LDLRAD3: variants seen among roughly 807,000 people sequenced by gnomAD.
LDLRAD3 encodes low density lipoprotein receptor class A domain containing 3.
LDLRAD3 carries 20 observed loss-of-function variants against 29.4 expected under a neutral mutation model. The ratio of observed to expected loss-of-function variants is 0.68; its 90% confidence interval spans 0.48 to 0.99. The LOEUF is 0.99. Ranked by LOEUF, LDLRAD3 falls within the 50% of genes least tolerant of loss-of-function variation. LDLRAD3 has a pLI of 0.00. For missense variants in LDLRAD3, 420 were observed against 454.3 expected (o/e 0.92, Z 0.69); for synonymous variants, 157 against 192.7 (o/e 0.81, Z 1.53).
intron 4 of LDLRAD3, among the ~76,000 whole-genome samples, chr11:36,192,969 T>C (rs1376301685): frequency 6.6e-6 from 1 of 152,224 alleles, no homozygotes; most frequent in African/African-American, 2.4e-5. Flanking sequence ...TTCACTTCCC[T>C]GATCCTCCAT....
chr11:36,016,015 G>A (rs1026459694), intron 1 of LDLRAD3, among the ~76,000 whole-genome samples: 6 of 152,222 alleles, frequency 3.9e-5, no homozygotes, highest in African/African-American at 1.4e-4. Context: ...GAGCTCACAG[G>A]GAGGGCAAGT....
At chr11:35,971,980 G>C (rs1851418033) in intron 1 of LDLRAD3, among the ~76,000 whole-genome samples, 1 of 152,162 alleles carries the variant, frequency 6.6e-6, no homozygotes, top group Non-Finnish European at 1.5e-5. Context: ...GAACACTGAA[G>C]GAGCTGCCGG....
intron 4 of LDLRAD3, among the ~76,000 whole-genome samples, chr11:36,138,948 C>T (rs1040483723): frequency 3.3e-5 from 5 of 152,206 alleles, no homozygotes; most frequent in Admixed American, 2.6e-4. Context: ...CCTTTCTTCT[C>T]CCACCCATTA....
intron 4 of LDLRAD3, among the ~76,000 whole-genome samples, chr11:36,200,532 A>G (rs1019395284): frequency 2.0e-5 from 3 of 152,228 alleles, no homozygotes; most frequent in Non-Finnish European, 4.4e-5. Flanking sequence ...GGGTCAAGAA[A>G]GGCATGGCCA....
chr11:36,080,252 C>T (rs1028929886), intron 2 of LDLRAD3, among the ~76,000 whole-genome samples: 1 of 152,210 alleles, frequency 6.6e-6, no homozygotes, highest in Non-Finnish European at 1.5e-5. Flanking sequence ...TCTCATCTTA[C>T]ATCTCCTAAT....
intron 4 of LDLRAD3, among the ~76,000 whole-genome samples, chr11:36,144,081 A>G (rs1854131325): frequency 6.6e-6 from 1 of 151,968 alleles, no homozygotes; most frequent in South Asian, 2.1e-4. Flanking sequence ...GGCGCGCGCC[A>G]CCACGCCTGA....
rs144238536 is a variant in LDLRAD3, at chr11:36,130,566, A to G, written c.454+32105A>G. Reference sequence around the variant, plus strand: ...GGGCAAGCTGCCGCCAGTTTTATCCACAAAGCAGCAACCACTTCTGCTAAG... The same window carrying G: ...GGGCAAGCTGCCGCCAGTTTTATCCGCAAAGCAGCAACCACTTCTGCTAAG... On this transcript the variant is annotated intron_variant, in intron 4 of 5. Coordinates refer to ENST00000315571, the MANE Select transcript of LDLRAD3 (RefSeq NM_174902.4). Among the ~76,000 whole-genome samples the G allele has an allele frequency of 3.8e-3, 581 of 152,288 alleles. 1 individual carries two copies. Among genetic ancestry groups the G allele is most frequent in the Middle Eastern group, 6.8e-3 (2 of 294 alleles).
At chr11:36,166,952 C>T (rs952038172) in intron 4 of LDLRAD3, among the ~76,000 whole-genome samples, 11 of 152,150 alleles carry the variant, frequency 7.2e-5, no homozygotes, top group Non-Finnish European at 1.5e-4. Flanking sequence ...TTCATAACCA[C>T]CCAGCACCTG....
At chr11:35,978,281 T>C (rs1051783235) in intron 1 of LDLRAD3, among the ~76,000 whole-genome samples, 2 of 152,182 alleles carry the variant, frequency 1.3e-5, no homozygotes, top group African/African-American at 2.4e-5. Context: ...ACTGTAGTCG[T>C]TTGTGAATGG....
At chr11:35,954,602 G>A (rs568097534) in intron 1 of LDLRAD3, among the ~76,000 whole-genome samples, 7 of 152,294 alleles carry the variant, frequency 4.6e-5, no homozygotes, top group Non-Finnish European at 8.8e-5. Flanking sequence ...CTAAGCCATG[G>A]TGAATGAAAT....
intron 1 of LDLRAD3, among the ~76,000 whole-genome samples, chr11:35,971,259 G>A (rs1026807781): frequency 5.9e-5 from 9 of 152,304 alleles, no homozygotes; most frequent in Admixed American, 6.5e-5. Flanking sequence ...TTTCAAGGGC[G>A]TTGGGACCCC....
chr11:36,019,890 A>G (rs185425842), intron 1 of LDLRAD3, among the ~76,000 whole-genome samples: 1 of 152,234 alleles, frequency 6.6e-6, no homozygotes, highest in Non-Finnish European at 1.5e-5. Flanking sequence ...CAGAGGGCTG[A>G]CTCAGAGAGG....
At chr11:35,953,191 T>A (rs964482542) in intron 1 of LDLRAD3, among the ~76,000 whole-genome samples, 1 of 152,166 alleles carries the variant, frequency 6.6e-6, no homozygotes, top group Non-Finnish European at 1.5e-5. Flanking sequence ...CAAATCCAAC[T>A]GTGATTTTTG....
intron 2 of LDLRAD3, among the ~76,000 whole-genome samples, chr11:36,068,909 G>A (rs1852845631): frequency 2.0e-5 from 3 of 152,106 alleles, no homozygotes; most frequent in Admixed American, 6.5e-5. Flanking sequence ...GAAGAGTTTT[G>A]GAAAGAATTT....
At chr11:36,145,411 A>C (rs374491572) in intron 4 of LDLRAD3, among the ~76,000 whole-genome samples, 21 of 58,168 alleles carry the variant, frequency 3.6e-4, no homozygotes, top group East Asian at 1.5e-3. Context: ...CCAGCCAGCC[A>C]CCCCATCCGG....
At chr11:36,070,884 G>T (rs1283216664) in intron 2 of LDLRAD3, among the ~76,000 whole-genome samples, 1 of 152,132 alleles carries the variant, frequency 6.6e-6, no homozygotes, top group African/African-American at 2.4e-5. Flanking sequence ...CTTTGTCAAG[G>T]TCCTTAGTCA....
At chr11:36,009,262 T>G (rs1851924934) in intron 1 of LDLRAD3, among the ~76,000 whole-genome samples, 2 of 152,284 alleles carry the variant, frequency 1.3e-5, no homozygotes, top group Non-Finnish European at 2.9e-5. Flanking sequence ...GAAACTCCCT[T>G]TTTTGCTCTG....
intron 4 of LDLRAD3, among the ~76,000 whole-genome samples, chr11:36,152,709 C>T (rs1316275626): frequency 6.6e-6 from 1 of 152,178 alleles, no homozygotes; most frequent in African/African-American, 2.4e-5. Flanking sequence ...GTTGAAATAG[C>T]AGGTCTGTTT....
intron 4 of LDLRAD3, among the ~76,000 whole-genome samples, chr11:36,136,317 A>G (rs939879756): frequency 3.9e-5 from 6 of 152,182 alleles, no homozygotes; most frequent in African/African-American, 1.4e-4. Flanking sequence ...CTATTTCACA[A>G]TTGAGGCCAG....
Sources: gnomAD v4.1 joint callset for allele counts (sites outside exome capture counted in the v4.1 genomes callset) on GRCh38, gnomAD v4.1.1 for gene constraint, MANE v1.5 for transcripts, NCBI Gene and HGNC (gene_info 2026-07-23, HGNC 2026-07-21) for gene names.